LIMS1: variants seen among roughly 807,000 people sequenced by gnomAD.
The protein encoded by LIMS1 is LIM and senescent cell antigen-like-containing domain protein 1.
Under a neutral mutation model 44.1 loss-of-function variants are expected in LIMS1, and 18 were observed. The observed-to-expected ratio is 0.41, with a 90% CI of 0.28 to 0.61. LIMS1 has a LOEUF of 0.61. Among genes scored for constraint, LIMS1 ranks in the 20% least tolerant of loss-of-function variants. LIMS1 has a pLI of 0.32. For synonymous variants in LIMS1, 93 were observed against 149.1 expected (o/e 0.62, Z 2.74); for missense variants, 201 against 422.0 (o/e 0.48, Z 4.59).
chr2:108,612,136 G>A (rs534966878), intron 1 of LIMS1, among the ~76,000 whole-genome samples: 2 of 150,860 alleles, frequency 1.3e-5, no homozygotes, highest in Non-Finnish European at 1.5e-5. Context: ...AGGATTGGAG[G>A]ATTAAAACTT....
At chr2:108,640,393 G>A (rs1453962778) in intron 1 of LIMS1, among the ~76,000 whole-genome samples, 2 of 152,232 alleles carry the variant, frequency 1.3e-5, no homozygotes, top group Non-Finnish European at 2.9e-5. Flanking sequence ...AAACTGGTTA[G>A]GATTGAGTAA....
At chr2:108,549,546 T>C (rs1030370378) in intron 1 of LIMS1, among the ~76,000 whole-genome samples, 18 of 152,062 alleles carry the variant, frequency 1.2e-4, no homozygotes, top group African/African-American at 3.9e-4. Flanking sequence ...TAGGAGGCAA[T>C]GCAGGAACAA....
chr2:108,598,203 A>T (rs1686816246), intron 1 of LIMS1, among the ~76,000 whole-genome samples: 1 of 151,748 alleles, frequency 6.6e-6, no homozygotes, highest in African/African-American at 2.4e-5. Context: ...CATGATGTGT[A>T]AGTAGCTGGC....
intron 7 of LIMS1, chr2:108,677,530 A>C (rs1692652111): frequency 6.1e-6 from 1 of 165,216 alleles, no homozygotes; most frequent in East Asian, 1.9e-4. Context: ...TCATTTTATG[A>C]CCATGGAAAT....
intron 1 of LIMS1, among the ~76,000 whole-genome samples, chr2:108,558,001 C>T (rs1174176995): frequency 2.0e-5 from 3 of 152,124 alleles, no homozygotes; most frequent in Non-Finnish European, 4.4e-5. Flanking sequence ...ATATAAAATA[C>T]AAGATCTCAC....
At chr2:108,558,476 TG>T (rs1194799788) in intron 1 of LIMS1, among the ~76,000 whole-genome samples, 1 of 151,974 alleles carries the variant, frequency 6.6e-6, no homozygotes, top group African/African-American at 2.4e-5. Flanking sequence ...CCCAAAGTGC[TG>T]GGATTACAGG....
intron 1 of LIMS1, among the ~76,000 whole-genome samples, chr2:108,535,495 C>T (rs958273528): frequency 6.6e-6 from 1 of 152,210 alleles, no homozygotes; most frequent in Admixed American, 6.5e-5. Context: ...ATTCCTTGGT[C>T]TGTCTTGCAG....
chr2:108,604,696 A>T (rs1181508027), intron 1 of LIMS1, among the ~76,000 whole-genome samples: 1 of 152,156 alleles, frequency 6.6e-6, no homozygotes, highest in African/African-American at 2.4e-5. Flanking sequence ...GAAGAGCACT[A>T]GAGAGTTGTC....
intron 1 of LIMS1, chr2:108,607,274 T>C: frequency 6.5e-7 from 1 of 1,550,208 alleles, no homozygotes; most frequent in Non-Finnish European, 8.7e-7. Flanking sequence ...TGCTGCACAA[T>C]ATTGAGCTGT....
chr2:108,649,381 T>G (rs915833292), intron 1 of LIMS1, among the ~76,000 whole-genome samples: 14 of 152,248 alleles, frequency 9.2e-5, no homozygotes, highest in African/African-American at 3.4e-4. Context: ...TTGGTGGGAG[T>G]GTATATTAGT....
At chr2:108,627,022 A>G (rs1688614444) in intron 1 of LIMS1, among the ~76,000 whole-genome samples, 1 of 152,184 alleles carries the variant, frequency 6.6e-6, no homozygotes, top group South Asian at 2.1e-4. Context: ...TATTTTTACT[A>G]TACTATAATA....
intron 1 of LIMS1, among the ~76,000 whole-genome samples, chr2:108,536,309 C>T (rs1451361909): frequency 6.6e-6 from 1 of 152,238 alleles, no homozygotes; most frequent in Non-Finnish European, 1.5e-5. Flanking sequence ...ACCTATTAAA[C>T]AATAATTCTC....
intron 2 of LIMS1, among the ~76,000 whole-genome samples, chr2:108,661,591 T>C (rs2912861): frequency 1.3e-4 from 20 of 152,140 alleles, no homozygotes; most frequent in South Asian, 8.3e-4. Context: ...GACCCCCTAC[T>C]GAGGCTATAG....
In LIMS1 at chr2:108,637,554, A is replaced by G. The variant is rs373036176; in HGVS notation, c.33-22051A>G. ...TACAGCCGTGTCAAGAGCTCCTGAC[A>G]CACTGGAGGCTGTCACTGGTGATCT... is the stretch of plus-strand genomic sequence containing the variant. On this transcript the variant is annotated intron_variant, in intron 1 of 9. Transcript: ENST00000544547. Among the ~76,000 whole-genome samples the G allele has an allele frequency of 2.0e-3, 305 of 152,328 alleles. 3 individuals carry two copies. Among genetic ancestry groups the G allele is most frequent in the African/African-American group, 7.0e-3 (291 of 41,578 alleles).
chr2:108,545,516 G>C (rs979199911), intron 1 of LIMS1, among the ~76,000 whole-genome samples: 6 of 152,332 alleles, frequency 3.9e-5, no homozygotes, highest in Non-Finnish European at 7.3e-5. Context: ...AGGGATTACA[G>C]GCCTGAGTCA....
In LIMS1 at chr2:108,587,290, T is replaced by G. The variant is rs868755430; in HGVS notation, c.32+52696T>G. ...AAGTGATGAGTTGTTTTCTTGGGGT[T>G]TGTGTGTGTGTGTGTGTGTGTGTGT... On this transcript the variant is annotated intron_variant, in intron 1 of 9. Transcript: ENST00000544547. 1.2e-3 allele frequency among the ~76,000 whole-genome samples: 125 copies of G among 106,078 alleles called. 2 individuals are homozygous for G. Among genetic ancestry groups the G allele is most frequent in the Middle Eastern group, 4.7e-3 (1 of 214 alleles). 69.6% of individuals were successfully genotyped at this position (106,078 alleles called of 152,430 possible).
At chr2:108,678,904 C>T (rs534827488) in intron 8 of LIMS1, among the ~76,000 whole-genome samples, 1 of 152,254 alleles carries the variant, frequency 6.6e-6, no homozygotes, top group Admixed American at 6.5e-5. Context: ...GGTGCATGGA[C>T]AGTTGCCACA....
At chr2:108,606,411 T>A (rs572930167) in intron 1 of LIMS1, among the ~76,000 whole-genome samples, 3 of 152,364 alleles carry the variant, frequency 2.0e-5, no homozygotes, top group African/African-American at 7.2e-5. Flanking sequence ...CAGCAAACTC[T>A]GTCACTGAAC....
At chr2:108,614,394 G>C in intron 1 of LIMS1, among the ~76,000 whole-genome samples, 1 of 152,160 alleles carries the variant, frequency 6.6e-6, no homozygotes, top group Admixed American at 6.5e-5. Flanking sequence ...TACAATGTAT[G>C]TACATATGTG....
Sources: allele counts gnomAD v4.1 joint callset (sites outside exome capture counted in the v4.1 genomes callset), GRCh38; gene constraint gnomAD v4.1.1; transcripts MANE v1.5; gene names NCBI Gene and HGNC (gene_info 2026-07-23, HGNC 2026-07-21).